PRKD3: variants seen among roughly 807,000 people sequenced by gnomAD.
PRKD3 encodes protein kinase D3.
PRKD3 carries 47 observed loss-of-function variants against 99.2 expected under a neutral mutation model. The observed-to-expected ratio is 0.47, with a 90% CI of 0.38 to 0.60. The LOEUF (loss-of-function observed/expected upper bound fraction) is 0.60, where lower values mean the gene tolerates loss of function less well. Ranked by LOEUF, PRKD3 falls within the 20% of genes least tolerant of loss-of-function variation. PRKD3 has a pLI of 0.00. For missense variants in PRKD3, 1,019 were observed against 1,088.4 expected (o/e 0.94, Z 0.90); for synonymous variants, 392 against 355.4 (o/e 1.10, Z -1.16).
intron 12 of PRKD3, 94 bp downstream of exon 12, chr2:37,272,286 G>A: frequency 6.5e-7 from 1 of 1,537,612 alleles, no homozygotes; most frequent in Non-Finnish European, 8.7e-7. Context: ...CTAGTACTTT[G>A]GGCGATGAAC....
chr2:37,316,317 G>C lies in PRKD3; in HGVS notation c.208C>G (p.Arg70Gly). 6.2e-7 allele frequency: 1 copy of C among 1,614,196 alleles called. No individual in the cohort carries two copies. Among genetic ancestry groups the C allele is most frequent in the South Asian group, 1.1e-5 (1 of 91,084 alleles). The change falls in exon 2 of 19, where the codon CGG (arginine) becomes GGG (glycine). Residue 70 changes from arginine (R) to glycine (G), a missense_variant. By Grantham distance (125) the Arg-to-Gly change is moderately radical. Coordinates refer to ENST00000234179, the MANE Select transcript of PRKD3 (RefSeq NM_005813.6). ...VSFLLQIGLT[R>G]ESVTIEAQEL... ...TGGGCTTCAATGGTAACACTCTCCCGTGTGAGGCCAATTTGCAGTAGAAAT... is the reference window on the plus strand; with the variant it reads ...TGGGCTTCAATGGTAACACTCTCCCCTGTGAGGCCAATTTGCAGTAGAAAT...
intron 1 of PRKD3, chr2:37,324,377 C>G (rs1011130037): frequency 4.2e-6 from 1 of 235,656 alleles, no homozygotes; most frequent in African/African-American, 2.3e-5. Context: ...AGTTGCCCTC[C>G]GCGCGGACGC....
intron 1 of PRKD3, among the ~76,000 whole-genome samples, chr2:37,319,627 A>G (rs991094518): frequency 6.6e-6 from 1 of 152,186 alleles, no homozygotes; most frequent in East Asian, 1.9e-4. Flanking sequence ...TGACTAAAAG[A>G]GCTAATGCAA....
chr2:37,319,975 A>C (rs528345491), intron 1 of PRKD3, among the ~76,000 whole-genome samples: 1 of 152,352 alleles, frequency 6.6e-6, no homozygotes, highest in Admixed American at 6.5e-5. Context: ...TACGGGGTAC[A>C]AACTATCTGT....
chr2:37,310,365 T>C (rs1178171523), intron 2 of PRKD3, among the ~76,000 whole-genome samples: 2 of 152,186 alleles, frequency 1.3e-5, no homozygotes, highest in Non-Finnish European at 2.9e-5. Flanking sequence ...TAGAAACATA[T>C]CATTTAATAT....
In PRKD3 at chr2:37,276,819, T is replaced by C. The variant is rs13396682; in HGVS notation, c.1297-975A>G. On this transcript the variant is annotated intron_variant, in intron 9 of 18. Transcript: ENST00000234179. ...ACACACACACACATACACATATATA[T>C]ACATATATATTCATATATATACATA... is the stretch of plus-strand genomic sequence containing the variant. 5.5e-5 allele frequency among the ~76,000 whole-genome samples: 8 copies of C among 145,742 alleles called. No homozygotes were observed. In the East Asian group the frequency reaches 7.8e-4, roughly 14 times the overall value.
At chr2:37,262,314 T>C (rs1668525323) in intron 14 of PRKD3, among the ~76,000 whole-genome samples, 1 of 152,240 alleles carries the variant, frequency 6.6e-6, no homozygotes, top group Non-Finnish European at 1.5e-5. Flanking sequence ...CACTGTATTG[T>C]AATAATGTGT....
Position 37,282,545 on chromosome 2 carries a change from C to T in PRKD3, c.985G>A (p.Gly329Arg), listed in dbSNP as rs2148557735. Reference protein sequence around the residue: ...RDCLGEVTFNGEPSSLGTDTD... With the variant: ...RDCLGEVTFNREPSSLGTDTD... ...AAATTAAGAAAAATAATTTTACCTCCATTGAAAGTAACCTCTCCAAGGCAG... is the reference window on the plus strand; with the variant it reads ...AAATTAAGAAAAATAATTTTACCTCTATTGAAAGTAACCTCTCCAAGGCAG... The change falls in exon 7 of 19, where the codon GGA (glycine) becomes AGA (arginine). Residue 329 changes from glycine to arginine, a missense_variant. By Grantham distance (125) the Gly-to-Arg change is moderately radical (BLOSUM62 -2). Transcript: ENST00000234179. 1 of 1,568,214 alleles carries T rather than the reference C, an allele frequency of 6.4e-7. No individual in the cohort carries two copies. Among genetic ancestry groups the T allele is most frequent in the South Asian group, 1.1e-5 (1 of 89,682 alleles).
In PRKD3 at chr2:37,272,411, G is replaced by A; in HGVS notation, c.1673C>T (p.Ser558Phe). ...CTCCTGAATCTGACAATTAGATACA[G>A]AGATACTTGTAGACAAATCTTCTGT... The part of the protein sequence containing the change: ...KDHKDLSTSI[S>F]VSNCQIQENV... Residue 558 changes from serine to phenylalanine, a missense_variant, in exon 12 of 19, where the codon TCT becomes TTT. By Grantham distance (155) the Ser-to-Phe change is radical. Around this residue, in one of 3 missense-constraint regions of PRKD3, gnomAD observed 710 missense variants for 692.7 expected, o/e 1.02. Coordinates refer to ENST00000234179, the MANE Select transcript of PRKD3 (RefSeq NM_005813.6). The A allele has an allele frequency of 6.2e-7, 1 of 1,607,208 alleles. No individual in the cohort carries two copies. The highest frequency in any genetic ancestry group is 1.3e-5 in the African/African-American group (1 of 74,562).
chr2:37,295,074 G>A (rs971584655), intron 2 of PRKD3, among the ~76,000 whole-genome samples: 18 of 152,016 alleles, frequency 1.2e-4, no homozygotes, highest in African/African-American at 7.2e-5. Flanking sequence ...ATGAGGCTCC[G>A]TCACAAACAA....
At chr2:37,291,774 A>C (rs1670440358) in intron 3 of PRKD3, among the ~76,000 whole-genome samples, 1 of 152,166 alleles carries the variant, frequency 6.6e-6, no homozygotes, top group Non-Finnish European at 1.5e-5. Context: ...ATCTCAAGAA[A>C]AGGCTCAAAG....
At chr2:37,319,256 G>C (rs1671778217) in intron 1 of PRKD3, among the ~76,000 whole-genome samples, 1 of 152,162 alleles carries the variant, frequency 6.6e-6, no homozygotes, top group South Asian at 2.1e-4. Context: ...TGCTACCTTT[G>C]CAAGAATGTT....
chr2:37,288,198 T>A (rs899570965), intron 5 of PRKD3, among the ~76,000 whole-genome samples: 2 of 152,206 alleles, frequency 1.3e-5, no homozygotes, highest in Non-Finnish European at 2.9e-5. Context: ...CATACCTCTA[T>A]TCTACTGTCC....
At chr2:37,297,653 A>C (rs1288815484) in intron 2 of PRKD3, among the ~76,000 whole-genome samples, 1 of 152,152 alleles carries the variant, frequency 6.6e-6, no homozygotes, top group Admixed American at 6.5e-5. Context: ...GGATTTTAAC[A>C]ATCTTGGCTG....
rs571312968 is a variant in PRKD3 at position 37,291,118 on chromosome 2, T to A, written c.428-119A>T. The A allele has an allele frequency of 4.3e-6, 4 of 928,296 alleles. No individual in the cohort carries two copies. In the South Asian group the frequency reaches 1.0e-4, roughly 23 times the overall value. The allele number at this position is 928,296 out of a possible 1,614,324, so 57.5% of individuals were successfully genotyped here. ...ATCATTTTTTCTCTGAAAGTTGCAC[T>A]GGACCATAAAAGTAAATTATTTAAT... On this transcript the variant is annotated intron_variant, in intron 3 of 18. Coordinates refer to ENST00000234179, the MANE Select transcript of PRKD3 (RefSeq NM_005813.6).
chr2:37,277,081 G>A (rs1669610767), intron 9 of PRKD3, among the ~76,000 whole-genome samples: 2 of 151,942 alleles, frequency 1.3e-5, no homozygotes, highest in African/African-American at 2.4e-5. Flanking sequence ...TAAATGTATT[G>A]GGTACTTCAT....
intron 1 of PRKD3, among the ~76,000 whole-genome samples, chr2:37,320,590 C>T (rs1263593586): frequency 1.3e-5 from 2 of 151,900 alleles, no homozygotes; most frequent in East Asian, 3.9e-4. Flanking sequence ...CATCACCATA[C>T]CTGGCTCATT....
intron 1 of PRKD3, 98 bp downstream of exon 1, chr2:37,324,583 C>G (rs1480646584): frequency 2.7e-5 from 4 of 149,698 alleles, no homozygotes; most frequent in Admixed American, 6.6e-5. Context: ...GAGGGGCCGC[C>G]GCCGCCTCAG....
chr2:37,294,160 T>A lies in PRKD3; in HGVS notation c.289-889A>T, dbSNP rs12712531. On this transcript the variant is annotated intron_variant, in intron 2 of 18. Transcript: ENST00000234179. ...GCCTAGGATGAGTACAGTGGTGTGATCACAGTTCAACACTGCAGCCTCAAA... is the reference window on the plus strand; with the variant it reads ...GCCTAGGATGAGTACAGTGGTGTGAACACAGTTCAACACTGCAGCCTCAAA... Among the ~76,000 whole-genome samples the A allele has an allele frequency of 1.3e-3, 204 of 152,308 alleles. 2 individuals carry two copies. Among genetic ancestry groups the A allele is most frequent in the African/African-American group, 4.7e-3 (197 of 41,572 alleles).
Sources: allele counts gnomAD v4.1 joint callset (sites outside exome capture counted in the v4.1 genomes callset), GRCh38; gene constraint gnomAD v4.1.1; regional missense constraint gnomAD v4.1.1; transcripts MANE v1.5; gene names NCBI Gene and HGNC (gene_info 2026-07-23, HGNC 2026-07-21).